Variants in PHLPP1 observed in about 807,000 individuals in gnomAD.
PHLPP1 encodes the protein PH domain and leucine rich repeat protein phosphatase 1.
PHLPP1 carries 42 observed loss-of-function variants against 117.2 expected under a neutral mutation model. The observed-to-expected ratio is 0.36, with a 90% CI of 0.28 to 0.46. The LOEUF is 0.46. Ranked by LOEUF, PHLPP1 falls within the 20% of genes least tolerant of loss-of-function variation. The probability of loss-of-function intolerance (pLI) is 1.00; values close to 1 mark genes in which losing one functional copy is unlikely to be tolerated. For missense variants in PHLPP1, 2,084 were observed against 2,241.9 expected (o/e 0.93, Z 1.42); for synonymous variants, 1,042 against 970.7 (o/e 1.07, Z -1.37).
chr18:62,819,462 A>C (rs190355594), intron 1 of PHLPP1, among the ~76,000 whole-genome samples: 1 of 152,234 alleles, frequency 6.6e-6, no homozygotes, highest in Non-Finnish European at 1.5e-5. Context: ...AAATGAGTAA[A>C]AACAAAGAAC....
intron 16 of PHLPP1, among the ~76,000 whole-genome samples, chr18:62,977,409 AC>A (rs1472803896): frequency 5.5e-5 from 8 of 146,436 alleles, no homozygotes; most frequent in African/African-American, 2.0e-4. Flanking sequence ...AGAATAAAGA[AC>A]CAAGCAGGTA....
chr18:62,947,643 G>T (rs1910338081), intron 12 of PHLPP1, among the ~76,000 whole-genome samples: 1 of 152,154 alleles, frequency 6.6e-6, no homozygotes. Flanking sequence ...TGGTCTTAGT[G>T]TCTGTATCTG....
intron 1 of PHLPP1, among the ~76,000 whole-genome samples, chr18:62,824,902 T>A (rs1016820847): frequency 1.3e-5 from 2 of 151,942 alleles, no homozygotes; most frequent in East Asian, 1.9e-4. Context: ...CCATTTTTTT[T>A]AACAGTGGTC....
rs563620077 is a variant in PHLPP1 at position 62,979,760 on chromosome 18, T to A, written c.*329T>A. ...TGTAATATTTTTTAAAATGGCTTTT[T>A]GTTGTTTGTTTGGAAGGCAGGGCAG... On this transcript the variant is annotated 3_prime_UTR_variant, in exon 17 of 17. Transcript: ENST00000262719. 1.3e-3 allele frequency: 290 copies of A among 231,832 alleles called. No homozygotes were observed. The highest frequency in any genetic ancestry group is 1.9e-3 in the Non-Finnish European group (231 of 120,118). 14.4% of individuals were successfully genotyped at this position (231,832 alleles called of 1,614,324 possible).
chr18:62,830,122 A>G lies in PHLPP1; in HGVS notation c.1664A>G (p.Asn555Ser), dbSNP rs747595141. Residue 555 changes from asparagine (N) to serine (S), a missense_variant, in exon 2 of 17, where the codon AAC becomes AGC. Transcript: ENST00000262719. ...VRKGKMQLPV[N>S]RWTRRQVILC... ...AAAGGCAAGATGCAGTTGCCAGTGA[A>G]CCGATGGACAAGACGCCAAGTCATC... The G allele has an allele frequency of 6.2e-7, 1 of 1,612,592 alleles. No individual in the cohort carries two copies. The highest frequency in any genetic ancestry group is 1.1e-5 in the South Asian group (1 of 90,632).
chr18:62,945,198 G>T lies in PHLPP1; in HGVS notation c.3251G>T (p.Arg1084Leu), dbSNP rs780394677. 1.9e-6 allele frequency: 3 copies of T among 1,612,876 alleles called. No homozygotes were observed. The South Asian group carries it at 3.3e-5, about 18-fold the overall frequency. The change falls in exon 12 of 17, where the codon CGC becomes CTC. Residue 1084 changes from arginine to leucine, a missense_variant. Coordinates refer to ENST00000262719, the MANE Select transcript of PHLPP1 (RefSeq NM_194449.4). ...AIPTTIMNCR[R>L]MHTVIAHSNC... ...CCAACAACGATCATGAATTGCAGGC[G>T]CATGCACACCGTGATTGCTCACTCC...
chr18:62,820,943 C>G (rs1157685069), intron 1 of PHLPP1, among the ~76,000 whole-genome samples: 2 of 151,892 alleles, frequency 1.3e-5, no homozygotes, highest in East Asian at 3.8e-4. Flanking sequence ...AACCAGAGAC[C>G]AATAAAAGAA....
rs373407853 is a variant in PHLPP1 at position 62,978,456 on chromosome 18, C to T, written c.4179C>T (p.Pro1393=). 3.3e-4 allele frequency: 526 copies of T among 1,610,186 alleles called. No individual in the cohort carries two copies. Among genetic ancestry groups the T allele is most frequent in the Middle Eastern group, 9.9e-4 (6 of 6,058 alleles). The change falls in exon 17 of 17, where the codon CCC becomes CCT. Residue 1393 remains proline (P), a synonymous_variant. Coordinates refer to ENST00000262719, the MANE Select transcript of PHLPP1 (RefSeq NM_194449.4). This position sits in a 1 kb window ranked among gnomAD's most constrained non-coding sequence, Gnocchi z 7.0. ...CCGTGGAAGCCGTGCGCAACGTGCC[C>T]GATGCCCTGGCTGCTGCCAAGAAGC... The part of the protein sequence containing the change: ...EEAVEAVRNV[P]DALAAAKKLC...
In PHLPP1 at chr18:62,736,982, C is replaced by G. The variant is rs377703247; in HGVS notation, c.1576+19723C>G. Among the ~76,000 whole-genome samples, 7 of 152,218 alleles carry G rather than the reference C, an allele frequency of 4.6e-5. No homozygotes were observed. The East Asian group carries it at 1.2e-3, about 25-fold the overall frequency. On this transcript the variant is annotated intron_variant, in intron 1 of 16. Transcript: ENST00000262719. ...AAGAATATGTATTACATTTATGAAG[C>G]TCTTAGGATGTATGTCTTTTGAATG...
chr18:62,889,006 A>G (rs1332905981), intron 4 of PHLPP1, among the ~76,000 whole-genome samples: 2 of 152,182 alleles, frequency 1.3e-5, no homozygotes, highest in Non-Finnish European at 2.9e-5. Flanking sequence ...CTGAAACAGT[A>G]TTTGGATCTG....
At chr18:62,783,818 A>G (rs570094863) in intron 1 of PHLPP1, among the ~76,000 whole-genome samples, 5 of 152,316 alleles carry the variant, frequency 3.3e-5, no homozygotes, top group African/African-American at 1.2e-4. Context: ...ACAACAGTCC[A>G]CATAATGGAA....
chr18:62,717,394 C>T (rs1168983890), intron 1 of PHLPP1, 135 bp downstream of exon 1: 2 of 1,179,208 alleles, frequency 1.7e-6, no homozygotes. Flanking sequence ...AACTTTACAG[C>T]TTTTTCATAC....
chr18:62,918,400 C>A (rs1909363192), intron 9 of PHLPP1, among the ~76,000 whole-genome samples: 3 of 143,854 alleles, frequency 2.1e-5, no homozygotes, highest in Admixed American at 2.1e-4. Context: ...GATTTTATCA[C>A]CTTTTAGTTA....
chr18:62,760,557 C>T (rs1435874340), intron 1 of PHLPP1, among the ~76,000 whole-genome samples: 1 of 152,230 alleles, frequency 6.6e-6, no homozygotes, highest in African/African-American at 2.4e-5. Context: ...TACGTCAGCT[C>T]TCAAAGCTTC....
intron 1 of PHLPP1, among the ~76,000 whole-genome samples, chr18:62,741,427 GC>G (rs1179127863): frequency 6.6e-6 from 1 of 152,118 alleles, no homozygotes; most frequent in Non-Finnish European, 1.5e-5. Context: ...GGTATAAGGT[GC>G]TTTGAAGGCT....
chr18:62,824,179 C>T, intron 1 of PHLPP1: 3 of 455,762 alleles, frequency 6.6e-6, no homozygotes, highest in South Asian at 4.6e-5. Flanking sequence ...ATCGGGAACT[C>T]TCTGCACTGG....
chr18:62,739,340 G>A (rs1225778520), intron 1 of PHLPP1, among the ~76,000 whole-genome samples: 2 of 152,198 alleles, frequency 1.3e-5, no homozygotes, highest in African/African-American at 4.8e-5. Flanking sequence ...CAGTTAGCTG[G>A]CAAAGCTAAT....
chr18:62,792,868 CAAAAAAAAA>C (rs71160870), intron 1 of PHLPP1, among the ~76,000 whole-genome samples: 3 of 56,850 alleles, frequency 5.3e-5, no homozygotes, highest in Non-Finnish European at 3.3e-5. Flanking sequence ...GCCTCTGTCT[CAAAAAAAAA>C]AAAAAAAAAA....
intron 4 of PHLPP1, among the ~76,000 whole-genome samples, chr18:62,863,850 A>T (rs1240050186): frequency 6.6e-6 from 1 of 151,964 alleles, no homozygotes; most frequent in Non-Finnish European, 1.5e-5. Flanking sequence ...CTCCTATTTC[A>T]TCCTGTGAGT....
Sources: allele counts gnomAD v4.1 joint callset (sites outside exome capture counted in the v4.1 genomes callset), GRCh38; gene constraint gnomAD v4.1.1; non-coding constraint Gnocchi (gnomAD v3.1); transcripts MANE v1.5; gene names NCBI Gene and HGNC (gene_info 2026-07-23, HGNC 2026-07-21).